Variants in GPM6B observed in about 807,000 individuals in gnomAD.
GPM6B encodes glycoprotein M6B.
Under a neutral mutation model 27.2 loss-of-function variants are expected in GPM6B, and 4 were observed. The ratio of observed to expected loss-of-function variants is 0.15; its 90% CI spans 0.07 to 0.34. The LOEUF is 0.34. Ranked by LOEUF, GPM6B falls within the 10% of genes least tolerant of loss-of-function variation. The probability of loss-of-function intolerance (pLI) is 1.00; values close to 1 mark genes in which losing one functional copy is unlikely to be tolerated. For synonymous variants in GPM6B, 124 were observed against 103.1 expected (o/e 1.20, Z -1.23); for missense variants, 183 against 261.9 (o/e 0.70, Z 2.08).
At chrX:13,846,790 CTTTTTT>C (rs10656571) in intron 1 of GPM6B, among the ~76,000 whole-genome samples, 2 of 85,412 alleles carry the variant, frequency 2.3e-5, no homozygotes, top group South Asian at 6.0e-4. Flanking sequence ...ACTGCGCCAG[CTTTTTT>C]TTTTTTTTTT....
At position 13,804,813 on chromosome X, in the gene GPM6B, G is replaced by GAA. The variant is rs11371329; in HGVS notation, c.181+2835_181+2836dup. On this transcript the variant is annotated intron_variant, in intron 2 of 7. Transcript: ENST00000316715. ...GCAAAAAAATTAATAAAAAAAAAAA[G>GAA]AAAAAAAAAAGAGCCATACAGAATT... Among the ~76,000 whole-genome samples, 9 of 98,498 alleles carry GAA rather than the reference G, an allele frequency of 9.1e-5. No individual in the cohort carries two copies. In the East Asian group the frequency reaches 9.6e-4, roughly 11 times the overall value. 85.5% of individuals were successfully genotyped at this position (98,498 alleles called of 115,157 possible).
intron 1 of GPM6B, among the ~76,000 whole-genome samples, chrX:13,928,420 C>A (rs761483926): frequency 4.4e-5 from 5 of 112,366 alleles, no homozygotes; most frequent in Non-Finnish European, 9.4e-5. Flanking sequence ...TAATAGAGCT[C>A]AAAACAGTTT....
intron 1 of GPM6B, among the ~76,000 whole-genome samples, chrX:13,926,037 A>T (rs1921165298): frequency 9.6e-6 from 1 of 103,948 alleles, no homozygotes; most frequent in African/African-American, 3.7e-5. Context: ...CCTGGGCAAC[A>T]GAGCGAGACT....
chrX:13,920,521 C>T (rs1418300251), intron 1 of GPM6B, among the ~76,000 whole-genome samples: 3 of 110,766 alleles, frequency 2.7e-5, no homozygotes, highest in Middle Eastern at 4.6e-3. Flanking sequence ...CAGGGAAACA[C>T]GATACGTAAA....
At chrX:13,839,381 A>G (rs932305913) in intron 1 of GPM6B, among the ~76,000 whole-genome samples, 1 of 111,819 alleles carries the variant, frequency 8.9e-6, no homozygotes, top group Non-Finnish European at 1.9e-5. Flanking sequence ...TTTAAAATCA[A>G]GCTATTACCC....
intron 1 of GPM6B, among the ~76,000 whole-genome samples, chrX:13,830,271 T>C (rs1214365332): frequency 8.9e-6 from 1 of 111,886 alleles, no homozygotes; most frequent in East Asian, 2.8e-4. Context: ...GTCCTAAAGG[T>C]CACACTTTCT....
At chrX:13,842,528 C>A (rs1051332158) in intron 1 of GPM6B, among the ~76,000 whole-genome samples, 3 of 111,130 alleles carry the variant, frequency 2.7e-5, no homozygotes, top group Non-Finnish European at 5.7e-5. Flanking sequence ...GAGGCACATC[C>A]CTCTGCCAGC....
chrX:13,807,997 A>G (rs1302397360), intron 1 of GPM6B, among the ~76,000 whole-genome samples: 2 of 112,310 alleles, frequency 1.8e-5, no homozygotes, highest in Non-Finnish European at 3.8e-5. Flanking sequence ...TCTTTCCCCC[A>G]ACACACACCA....
chrX:13,776,315 C>T lies in GPM6B; in HGVS notation c.772-12G>A. The T allele has an allele frequency of 8.4e-7, 1 of 1,188,526 alleles. No homozygotes were observed. Among genetic ancestry groups the T allele is most frequent in the Non-Finnish European group, 1.1e-6 (1 of 876,009 alleles). ...TAGGACATGTAGAACTACAAAAGAACAGGGCATCAACATAAGCATTTGATG... is the reference window on the plus strand; with the variant it reads ...TAGGACATGTAGAACTACAAAAGAATAGGGCATCAACATAAGCATTTGATG... On this transcript the variant is annotated splice_polypyrimidine_tract_variant and intron_variant, in intron 6 of 7. Transcript: ENST00000316715.
chrX:13,854,863 C>T (rs886808211), intron 1 of GPM6B, among the ~76,000 whole-genome samples: 7 of 111,659 alleles, frequency 6.3e-5, no homozygotes, highest in Non-Finnish European at 1.3e-4. Context: ...AGAAGTTCTT[C>T]TCCCAACCTC....
At chrX:13,789,836 G>GT (rs765519143) in intron 2 of GPM6B, among the ~76,000 whole-genome samples, 2,452 of 106,161 alleles carry the variant, frequency 0.023, 45 homozygotes, top group Non-Finnish European at 0.038. Flanking sequence ...AAGCCACTGC[G>GT]TTTTTTTTTT....
intron 2 of GPM6B, among the ~76,000 whole-genome samples, chrX:13,799,190 A>ATTTTTTTTTTTTTT (rs763194245): frequency 8.3e-5 from 3 of 35,969 alleles, no homozygotes; most frequent in African/African-American, 2.4e-4. Context: ...AGCCAACCTA[A>ATTTTTTTTTTTTTT]TTTTTTTTTT....
intron 1 of GPM6B, among the ~76,000 whole-genome samples, chrX:13,936,348 A>AAATTT (rs1921836407): frequency 1.8e-5 from 2 of 112,139 alleles, no homozygotes; most frequent in African/African-American, 6.5e-5. Context: ...TTGAGTCTGA[A>AAATTT]GGGACTTTTA....
At position 13,773,339 on chromosome X, in the gene GPM6B, A is replaced by G. The variant is rs190459628; in HGVS notation, c.838-309T>C. 4.7e-3 allele frequency: 841 copies of G among 180,148 alleles called. 29 individuals are homozygous for G. The Admixed American group carries it at 0.055, about 12-fold the overall frequency. The allele number at this position is 180,148 out of a possible 1,213,427, so 14.8% of individuals were successfully genotyped here. ...TTTTTTTTTTTTTAATACCATTTTG[A>G]GAGTAATTTTAAAGACTAATGCGAA... On this transcript the variant is annotated intron_variant, in intron 7 of 7. Coordinates refer to ENST00000316715, the MANE Select transcript of GPM6B (RefSeq NM_001001995.3).
chrX:13,926,651 C>T (rs193034443), intron 1 of GPM6B, among the ~76,000 whole-genome samples: 4 of 111,360 alleles, frequency 3.6e-5, no homozygotes, highest in East Asian at 5.6e-4. Context: ...TAGATATTAT[C>T]GGGAGGAAAG....
intron 1 of GPM6B, among the ~76,000 whole-genome samples, chrX:13,908,690 T>C (rs537193900): frequency 8.9e-5 from 10 of 112,673 alleles, no homozygotes; most frequent in African/African-American, 2.6e-4. Flanking sequence ...TAGGGGAAGC[T>C]TGGTGAACGG....
At chrX:13,877,083 C>T (rs2050040980) in intron 1 of GPM6B, among the ~76,000 whole-genome samples, 1 of 111,155 alleles carries the variant, frequency 9.0e-6, no homozygotes, top group African/African-American at 3.3e-5. Flanking sequence ...CACAAAACAG[C>T]CCCTCACCAC....
At chrX:13,904,863 A>C (rs1008547562) in intron 1 of GPM6B, among the ~76,000 whole-genome samples, 1 of 110,796 alleles carries the variant, frequency 9.0e-6, no homozygotes, top group Admixed American at 9.7e-5. Flanking sequence ...TTAAGGCTAT[A>C]CAATAAATTT....
upstream of GPM6B, chrX:13,817,102 G>T: frequency 1.0e-6 from 1 of 982,446 alleles, no homozygotes; most frequent in South Asian, 4.4e-5. Context: ...CTGCCTACTG[G>T]TCCATAAAGA....
Sources: gnomAD v4.1 joint callset for allele counts (sites outside exome capture counted in the v4.1 genomes callset) on GRCh38, gnomAD v4.1.1 for gene constraint, MANE v1.5 for transcripts, NCBI Gene and HGNC (gene_info 2026-07-23, HGNC 2026-07-21) for gene names.